Variants in EYS observed in about 807,000 individuals in gnomAD.
EYS encodes the protein protein eyes shut homolog.
Under a neutral mutation model 282.1 loss-of-function variants are expected in EYS, and 250 were observed. The ratio of observed to expected loss-of-function variants is 0.89; its 90% CI spans 0.80 to 0.98. The LOEUF (loss-of-function observed/expected upper bound fraction) is 0.98, where lower values mean the gene tolerates loss of function less well. EYS is among the 50% of genes least tolerant of loss of function. The pLI, the probability that EYS is intolerant of heterozygous loss-of-function variation, is 0.00. For missense variants in EYS, 4,016 were observed against 3,709.0 expected, an observed-to-expected ratio of 1.08 and a Z score of -2.15; for synonymous variants, 1,355 against 1,282.9, an observed-to-expected ratio of 1.06 and a Z score of -1.20.
intron 28 of EYS, among the ~76,000 whole-genome samples, chr6:64,401,076 T>A (rs9294465): frequency 0.02 from 3,089 of 152,076 alleles, 99 homozygotes; most frequent in African/African-American, 0.069. Context: ...AGCTACTGTA[T>A]CATTACACAG....
At chr6:63,732,210 T>C (rs915524131) in intron 41 of EYS, among the ~76,000 whole-genome samples, 13 of 152,076 alleles carry the variant, frequency 8.5e-5, no homozygotes, top group Non-Finnish European at 1.3e-4. Context: ...TATATGTAAA[T>C]GTCACTGAAC....
At chr6:65,251,482 T>A (rs1172109538) in intron 12 of EYS, among the ~76,000 whole-genome samples, 1 of 151,918 alleles carries the variant, frequency 6.6e-6, no homozygotes, top group East Asian at 1.9e-4. Flanking sequence ...AAATGAAATC[T>A]ATTTATTTGT....
At chr6:64,984,218 G>A (rs1046780338) in intron 14 of EYS, among the ~76,000 whole-genome samples, 1 of 151,266 alleles carries the variant, frequency 6.6e-6, no homozygotes, top group African/African-American at 2.4e-5. Context: ...AACTACCCTT[G>A]ACATCTCCCT....
chr6:64,017,128 C>T (rs72875067), intron 33 of EYS, among the ~76,000 whole-genome samples: 1 of 151,904 alleles, frequency 6.6e-6, no homozygotes, highest in Non-Finnish European at 1.5e-5. Context: ...GGAGGGAAAG[C>T]TGAAAGCAAA....
intron 31 of EYS, among the ~76,000 whole-genome samples, chr6:64,104,452 A>G (rs947691204): frequency 6.6e-6 from 1 of 152,142 alleles, no homozygotes; most frequent in African/African-American, 2.4e-5. Flanking sequence ...GACCCAAGTG[A>G]ATACAGAGAA....
chr6:64,034,722 C>G (rs760200974), intron 33 of EYS, among the ~76,000 whole-genome samples: 12 of 151,930 alleles, frequency 7.9e-5, no homozygotes, highest in Non-Finnish European at 1.8e-4. Context: ...TTGTAGAGGT[C>G]AAAGGAAGCA....
chr6:64,721,231 A>C (rs953666609), intron 22 of EYS, among the ~76,000 whole-genome samples: 2 of 152,190 alleles, frequency 1.3e-5, no homozygotes, highest in Non-Finnish European at 2.9e-5. Flanking sequence ...AAACAAGGAC[A>C]GTATAATATG....
At chr6:64,575,303 A>T (rs796763455) in intron 26 of EYS, among the ~76,000 whole-genome samples, 8 of 149,288 alleles carry the variant, frequency 5.4e-5, no homozygotes, top group African/African-American at 1.9e-4. Flanking sequence ...GAAAATAAAG[A>T]GCATGTTAAA....
At chr6:65,374,524 A>G (rs1486247047) in intron 8 of EYS, among the ~76,000 whole-genome samples, 1 of 139,948 alleles carries the variant, frequency 7.1e-6, no homozygotes, top group Admixed American at 7.4e-5. Flanking sequence ...TTCGTACCCC[A>G]CTGATACCTG....
Position 64,813,441 on chromosome 6 carries a change from T to A in EYS, c.3380A>T (p.Asn1127Ile), listed in dbSNP as rs779510375. ...SIDNCAEPELNSVICLNGGIC... is the reference protein window; with the variant it reads ...SIDNCAEPELISVICLNGGIC... ...CCCTCCATTAAGACAGATGACTGAA[T>A]TAAGTTCAGGCTCAGCACAATTATC... The change falls in exon 22 of 43, where the codon AAT (asparagine) becomes ATT (isoleucine). Residue 1127 changes from asparagine to isoleucine, a missense_variant. Transcript: ENST00000503581. The A allele has an allele frequency of 1.3e-6, 2 of 1,550,490 alleles. No individual in the cohort carries two copies. Among genetic ancestry groups the A allele is most frequent in the South Asian group, 1.2e-5 (1 of 84,002 alleles).
intron 13 of EYS, among the ~76,000 whole-genome samples, chr6:65,042,880 G>A (rs1039164667): frequency 1.5e-4 from 23 of 150,438 alleles, no homozygotes; most frequent in Non-Finnish European, 1.0e-4. Flanking sequence ...ATATGTTTAC[G>A]AGATACTTTA....
At chr6:63,903,927 A>C (rs1773714465) in intron 35 of EYS, among the ~76,000 whole-genome samples, 1 of 152,226 alleles carries the variant, frequency 6.6e-6, no homozygotes, top group Non-Finnish European at 1.5e-5. Flanking sequence ...GAAAAGGTGA[A>C]ATTATACAAA....
At chr6:63,905,431 G>A (rs1299079713) in intron 35 of EYS, among the ~76,000 whole-genome samples, 3 of 147,448 alleles carry the variant, frequency 2.0e-5, no homozygotes, top group South Asian at 2.1e-4. Flanking sequence ...CCAGGTTCAC[G>A]CCATTCTCCT....
chr6:64,245,185 A>G (rs1766972669), intron 30 of EYS, among the ~76,000 whole-genome samples: 1 of 152,206 alleles, frequency 6.6e-6, no homozygotes. Flanking sequence ...GACTGGATTA[A>G]GAAAATATGG....
chr6:65,244,248 T>C (rs994563609), intron 12 of EYS, among the ~76,000 whole-genome samples: 7 of 152,208 alleles, frequency 4.6e-5, no homozygotes, highest in Non-Finnish European at 1.0e-4. Flanking sequence ...TTTTAGTCGT[T>C]TCACGCAAAT....
intron 12 of EYS, among the ~76,000 whole-genome samples, chr6:65,224,455 A>C (rs1766564818): frequency 6.6e-6 from 1 of 152,190 alleles, no homozygotes. Context: ...CTACATTATA[A>C]AAGAAGAAAT....
intron 13 of EYS, among the ~76,000 whole-genome samples, chr6:65,050,803 A>C (rs755311079): frequency 3.3e-5 from 5 of 151,660 alleles, no homozygotes; most frequent in African/African-American, 1.2e-4. Flanking sequence ...GCACTTAAAA[A>C]TATATACTTA....
chr6:64,061,374 GCTCT>G (rs1444933764), intron 33 of EYS, among the ~76,000 whole-genome samples: 4 of 152,276 alleles, frequency 2.6e-5, no homozygotes, highest in East Asian at 1.9e-4. Flanking sequence ...AAAACCAATA[GCTCT>G]CTCTATGTGA....
At chr6:65,342,675 T>C (rs1770242814) in intron 10 of EYS, among the ~76,000 whole-genome samples, 1 of 150,542 alleles carries the variant, frequency 6.6e-6, no homozygotes. Context: ...AGTTGAAGGA[T>C]GTGTATTTAT....
Sources: allele counts gnomAD v4.1 joint callset (sites outside exome capture counted in the v4.1 genomes callset), GRCh38; gene constraint gnomAD v4.1.1; transcripts MANE v1.5; gene names NCBI Gene and HGNC (gene_info 2026-07-23, HGNC 2026-07-21).